The following DOCK1 variants were observed in gnomAD, a reference collection of about 807,000 sequenced individuals.
The protein encoded by DOCK1 is dedicator of cytokinesis protein 1.
In DOCK1, 138 loss-of-function variants were observed where a neutral mutation model predicts 262.7. The ratio of observed to expected loss-of-function variants is 0.53; its 90% CI spans 0.46 to 0.61. The LOEUF (loss-of-function observed/expected upper bound fraction) is 0.61. DOCK1 is among the 20% of genes least tolerant of loss of function. The pLI, the probability that DOCK1 is intolerant of heterozygous loss-of-function variation, is 0.00. For synonymous variants in DOCK1, 866 were observed against 867.4 expected (o/e 1.00, Z 0.03); for missense variants, 1,908 against 2,370.7 (o/e 0.80, Z 4.05).
At chr10:127,275,483 A>G in intron 29 of DOCK1, among the ~76,000 whole-genome samples, 1 of 152,302 alleles carries the variant, frequency 6.6e-6, no homozygotes, top group African/African-American at 2.4e-5. Context: ...TTGGGTTTTC[A>G]TGGCGCTCAG....
At chr10:127,127,928 G>C (rs1398243483) in intron 27 of DOCK1, 164 bp downstream of exon 27, 3 of 500,172 alleles carry the variant, frequency 6.0e-6, no homozygotes, top group Admixed American at 4.0e-5. Context: ...CAAAGTTGAA[G>C]GGTAAGCAAA....
intron 38 of DOCK1, chr10:127,402,757 C>T: frequency 1.8e-6 from 1 of 565,592 alleles, no homozygotes; most frequent in Non-Finnish European, 3.4e-6. Flanking sequence ...CCACAGCTGG[C>T]AGCAGGAGAG....
chr10:126,990,344 C>T lies in DOCK1; in HGVS notation c.325-111C>T, dbSNP rs369492663. On this transcript the variant is annotated intron_variant, in intron 5 of 51. Coordinates refer to ENST00000623213, the MANE Select transcript of DOCK1 (RefSeq NM_001290223.2). ...TTTTAATTCAACATTAACTAAATCT[C>T]ATGATCTAGTGCTTATACCTCATGC... is the stretch of plus-strand genomic sequence containing the variant. 6.1e-5 allele frequency: 65 copies of T among 1,063,758 alleles called. 2 individuals carry two copies. The African/African-American group carries it at 1.0e-3, about 16-fold the overall frequency. 65.9% of individuals were successfully genotyped at this position (1,063,758 alleles called of 1,614,324 possible). A position where few individuals can be genotyped will look rare whatever the true frequency, so the allele number is the denominator to read the frequency against.
At chr10:127,080,199 C>T (rs1247097204) in intron 23 of DOCK1, among the ~76,000 whole-genome samples, 1 of 149,534 alleles carries the variant, frequency 6.7e-6, no homozygotes, top group East Asian at 2.0e-4. Flanking sequence ...TGTATGAGTC[C>T]TTCTTAACTC....
intron 31 of DOCK1, among the ~76,000 whole-genome samples, chr10:127,345,367 G>A (rs1025887862): frequency 4.6e-5 from 7 of 152,112 alleles, no homozygotes; most frequent in East Asian, 3.9e-4. Flanking sequence ...CACAGTGACC[G>A]AGCCACTTGG....
At chr10:127,227,384 G>A (rs1249313079) in intron 27 of DOCK1, among the ~76,000 whole-genome samples, 2 of 152,300 alleles carry the variant, frequency 1.3e-5, no homozygotes, top group South Asian at 2.1e-4. Context: ...GCCTTGGAAC[G>A]AGGTATTCCC....
Position 127,100,275 on chromosome 10 carries a change from G to T in DOCK1, c.2446-5956G>T, listed in dbSNP as rs931619089. On this transcript the variant is annotated intron_variant, in intron 23 of 51. Transcript: ENST00000623213. The surrounding 1 kb of genome is among the most constrained non-coding windows in gnomAD (Gnocchi z 5.5). ...GGGAGGCAGTAGCCGTGCGGCCCAG[G>T]TGCTGTTTGTTCCGGGGGGAGTTAA... Among the ~76,000 whole-genome samples, 1 of 152,308 alleles carries T rather than the reference G, an allele frequency of 6.6e-6. No individual in the cohort carries two copies. Among genetic ancestry groups the T allele is most frequent in the African/African-American group, 2.4e-5 (1 of 41,578 alleles).
chr10:126,970,900 C>T, intron 2 of DOCK1, 115 bp downstream of exon 2: 2 of 1,156,096 alleles, frequency 1.7e-6, no homozygotes, highest in Non-Finnish European at 1.2e-6. Flanking sequence ...GTCATGCTTC[C>T]TTCTCAGGCT....
intron 46 of DOCK1, among the ~76,000 whole-genome samples, chr10:127,420,097 G>C (rs1471221590): frequency 2.6e-5 from 4 of 152,222 alleles, no homozygotes; most frequent in Non-Finnish European, 5.9e-5. Flanking sequence ...CCTGTGCCAG[G>C]AAAGGCGCTC....
At chr10:127,164,126 C>T (rs1205009946) in intron 27 of DOCK1, among the ~76,000 whole-genome samples, 1 of 147,900 alleles carries the variant, frequency 6.8e-6, no homozygotes, top group Admixed American at 6.8e-5. Context: ...TCTCTTTCTC[C>T]CTTGGCCCTT....
intron 27 of DOCK1, among the ~76,000 whole-genome samples, chr10:127,218,809 G>A (rs1043590455): frequency 1.1e-4 from 16 of 152,030 alleles, no homozygotes; most frequent in Admixed American, 5.2e-4. Flanking sequence ...TTTGTTTCTC[G>A]TGGTTCTGGT....
intron 1 of DOCK1, among the ~76,000 whole-genome samples, chr10:126,925,022 C>T (rs1195178592): frequency 6.6e-6 from 1 of 152,214 alleles, no homozygotes; most frequent in Non-Finnish European, 1.5e-5. Context: ...AATGTGTCAA[C>T]CCACGTTTTT....
chr10:127,056,563 T>G (rs1194033482), intron 22 of DOCK1, among the ~76,000 whole-genome samples: 1 of 152,114 alleles, frequency 6.6e-6, no homozygotes, highest in African/African-American at 2.4e-5. Flanking sequence ...TTCCCTAGCT[T>G]CTTCCTTCTC....
chr10:126,994,825 G>A (rs989842845), intron 6 of DOCK1, among the ~76,000 whole-genome samples: 2 of 152,218 alleles, frequency 1.3e-5, no homozygotes, highest in Admixed American at 1.3e-4. Flanking sequence ...TTCTCAATGA[G>A]CTGTTGCGTA....
rs1397828916 is a variant in DOCK1 at position 127,437,201 on chromosome 10, T to G, written c.5061-1826T>G. On this transcript the variant is annotated intron_variant, in intron 48 of 51. Coordinates refer to ENST00000623213, the MANE Select transcript of DOCK1 (RefSeq NM_001290223.2). This position sits in a 1 kb window ranked among gnomAD's most constrained non-coding sequence, Gnocchi z 4.4. ...ACCTGTTCTCTCTCTTATGGAGATG[T>G]TAACAGCTATTGATAATCAGTGCTT... is the stretch of plus-strand genomic sequence containing the variant. 6.6e-6 allele frequency among the ~76,000 whole-genome samples: 1 copy of G among 152,240 alleles called. No individual in the cohort carries two copies. The highest frequency in any genetic ancestry group is 6.5e-5 in the Admixed American group (1 of 15,294).
At chr10:127,165,280 T>A (rs1281834130) in intron 27 of DOCK1, among the ~76,000 whole-genome samples, 1 of 152,250 alleles carries the variant, frequency 6.6e-6, no homozygotes, top group Admixed American at 6.5e-5. Context: ...AACTTATACA[T>A]CTTGGAGCTT....
At chr10:127,114,896 A>G (rs1055565225) in intron 25 of DOCK1, among the ~76,000 whole-genome samples, 9 of 151,786 alleles carry the variant, frequency 5.9e-5, no homozygotes, top group African/African-American at 2.2e-4. Context: ...AGCTGGTACT[A>G]CAGGCGCATG....
intron 1 of DOCK1, among the ~76,000 whole-genome samples, chr10:126,916,203 T>C (rs2032473299): frequency 6.6e-6 from 1 of 152,188 alleles, no homozygotes; most frequent in South Asian, 2.1e-4. Context: ...GCATCTCAGC[T>C]CTGCCCAGGG....
At chr10:127,021,461 G>A (rs576313233) in intron 13 of DOCK1, among the ~76,000 whole-genome samples, 1 of 152,180 alleles carries the variant, frequency 6.6e-6, no homozygotes, top group African/African-American at 2.4e-5. Context: ...CACTGCACCC[G>A]GCCTTGAAGT....
Sources: gnomAD v4.1 joint callset for allele counts (sites outside exome capture counted in the v4.1 genomes callset) on GRCh38, gnomAD v4.1.1 for gene constraint, Gnocchi (gnomAD v3.1) non-coding constraint, MANE v1.5 for transcripts, NCBI Gene and HGNC (gene_info 2026-07-23, HGNC 2026-07-21) for gene names.